Variants in AKAP6 observed in about 807,000 individuals in gnomAD.
The protein encoded by AKAP6 is A-kinase anchor protein 6.
A neutral mutation model predicts 188.5 loss-of-function variants in AKAP6; 58 were observed. That is an observed-to-expected ratio of 0.31 (90% CI 0.25 to 0.38). AKAP6 has a LOEUF of 0.38. Ranked by LOEUF, AKAP6 falls within the 10% of genes least tolerant of loss-of-function variation. The pLI is 1.00. For missense variants in AKAP6, 2,710 were observed against 2,740.0 expected (o/e 0.99, Z 0.24); for synonymous variants, 989 against 998.6 (o/e 0.99, Z 0.18).
intron 12 of AKAP6, among the ~76,000 whole-genome samples, chr14:32,813,935 T>C (rs2034314792): frequency 6.6e-6 from 1 of 151,492 alleles, no homozygotes; most frequent in Non-Finnish European, 1.5e-5. Flanking sequence ...CTACTGTGCT[T>C]TGAGGGTAGA....
chr14:32,583,682 G>A (rs2139291938), intron 5 of AKAP6, among the ~76,000 whole-genome samples: 1 of 152,298 alleles, frequency 6.6e-6, no homozygotes, highest in Middle Eastern at 3.4e-3. Context: ...GGCAATGGCG[G>A]GTGCCCCTCC....
intron 2 of AKAP6, among the ~76,000 whole-genome samples, chr14:32,506,195 G>T (rs1471061610): frequency 6.6e-6 from 1 of 151,976 alleles, no homozygotes; most frequent in Non-Finnish European, 1.5e-5. Flanking sequence ...ACATAAAAAA[G>T]TTAATAAACT....
At chr14:32,519,779 C>G (rs909468422) in intron 2 of AKAP6, among the ~76,000 whole-genome samples, 1 of 152,254 alleles carries the variant, frequency 6.6e-6, no homozygotes, top group African/African-American at 2.4e-5. Context: ...CAACATTAGA[C>G]AGATCAACGA....
intron 4 of AKAP6, among the ~76,000 whole-genome samples, chr14:32,566,239 C>T (rs1884180798): frequency 6.6e-6 from 1 of 152,082 alleles, no homozygotes; most frequent in Non-Finnish European, 1.5e-5. Flanking sequence ...CAGCCATTTT[C>T]TATTAAGCCA....
At chr14:32,393,378 G>C (rs1186427385) in intron 1 of AKAP6, among the ~76,000 whole-genome samples, 3 of 152,088 alleles carry the variant, frequency 2.0e-5, no homozygotes, top group African/African-American at 7.2e-5. Flanking sequence ...AACTGTCATG[G>C]TCATAAAAGA....
chr14:32,370,459 A>G (rs1887970198), intron 1 of AKAP6, among the ~76,000 whole-genome samples: 1 of 152,244 alleles, frequency 6.6e-6, no homozygotes, highest in South Asian at 2.1e-4. Flanking sequence ...AGTGAACACA[A>G]ATAATGAGGG....
chr14:32,358,302 A>G (rs1594537165), intron 1 of AKAP6, among the ~76,000 whole-genome samples: 1 of 152,196 alleles, frequency 6.6e-6, no homozygotes, highest in African/African-American at 2.4e-5. Flanking sequence ...GGTCTTTGCC[A>G]CTTCTTACAC....
At chr14:32,738,210 T>G (rs970706435) in intron 11 of AKAP6, among the ~76,000 whole-genome samples, 2 of 152,148 alleles carry the variant, frequency 1.3e-5, no homozygotes, top group African/African-American at 4.8e-5. Context: ...TGCCATTGGC[T>G]GGAAAGCACT....
At chr14:32,619,985 C>T (rs1886747002) in intron 7 of AKAP6, among the ~76,000 whole-genome samples, 1 of 151,912 alleles carries the variant, frequency 6.6e-6, no homozygotes, top group African/African-American at 2.4e-5. Context: ...CTCAGCTTGG[C>T]CATTGTTGGT....
chr14:32,805,232 C>T (rs1163667277), intron 12 of AKAP6, among the ~76,000 whole-genome samples: 1 of 152,170 alleles, frequency 6.6e-6, no homozygotes, highest in Non-Finnish European at 1.5e-5. Context: ...TGCCTGGTCC[C>T]TCTGTTCGGG....
At chr14:32,354,821 G>A (rs1266082655) in intron 1 of AKAP6, among the ~76,000 whole-genome samples, 2 of 151,976 alleles carry the variant, frequency 1.3e-5, no homozygotes, top group Admixed American at 1.3e-4. Flanking sequence ...TCCTGAAGTG[G>A]ACATGTGCTT....
rs2034880999 is a variant in AKAP6, at chr14:32,836,896, T to C, written c.*7091T>C. On this transcript the variant is annotated 3_prime_UTR_variant, in exon 14 of 14. Coordinates refer to ENST00000280979, the MANE Select transcript of AKAP6 (RefSeq NM_004274.5). Reference sequence around the variant, plus strand: ...GTGTGTTCTTCAGAAAAAAAGGAATTCAAAAAGCAAATGTAAAATGGAACA... The same window carrying C: ...GTGTGTTCTTCAGAAAAAAAGGAATCCAAAAAGCAAATGTAAAATGGAACA... The C allele has an allele frequency of 6.6e-6, 1 of 152,058 alleles. No individual in the cohort carries two copies. Among genetic ancestry groups the C allele is most frequent in the Non-Finnish European group, 1.5e-5 (1 of 68,030 alleles). The allele number at this position is 152,058 out of a possible 1,614,324, so 9.4% of individuals were successfully genotyped here.
intron 9 of AKAP6, among the ~76,000 whole-genome samples, chr14:32,707,301 C>A (rs920188725): frequency 8.6e-5 from 13 of 152,004 alleles, no homozygotes; most frequent in African/African-American, 3.1e-4. Flanking sequence ...GTACAAAATT[C>A]CTTCATATAT....
At position 32,729,320 on chromosome 14, in the gene AKAP6, G is replaced by A. The variant is rs370346758; in HGVS notation, c.3001-3134G>A. Among the ~76,000 whole-genome samples, 17 of 151,862 alleles carry A rather than the reference G, an allele frequency of 1.1e-4. 1 individual carries two copies. The highest frequency in any genetic ancestry group is 1.0e-3 in the South Asian group (5 of 4,810). ...TCGGTGTGGCGGGGAAGCCTTTAGCGTAACTGTCAAAAAAGTTATCTCAAT... is the reference window on the plus strand; with the variant it reads ...TCGGTGTGGCGGGGAAGCCTTTAGCATAACTGTCAAAAAAGTTATCTCAAT... On this transcript the variant is annotated intron_variant, in intron 9 of 13. Transcript: ENST00000280979.
chr14:32,761,408 C>T (rs559080493), intron 11 of AKAP6, among the ~76,000 whole-genome samples: 1 of 152,048 alleles, frequency 6.6e-6, no homozygotes, highest in Non-Finnish European at 1.5e-5. Context: ...AACTTTGTGA[C>T]GAGTTCTAGG....
chr14:32,536,920 G>A (rs1342581565), intron 3 of AKAP6, among the ~76,000 whole-genome samples: 4 of 152,024 alleles, frequency 2.6e-5, no homozygotes, highest in Admixed American at 6.6e-5. Context: ...TTAGTCCTTC[G>A]GCTCTTAATA....
At chr14:32,360,471 A>G (rs925031951) in intron 1 of AKAP6, among the ~76,000 whole-genome samples, 9 of 152,122 alleles carry the variant, frequency 5.9e-5, no homozygotes, top group African/African-American at 1.9e-4. Flanking sequence ...TGTAGCATTC[A>G]TCAATAGATC....
intron 7 of AKAP6, among the ~76,000 whole-genome samples, chr14:32,656,232 G>A (rs1339428784): frequency 6.6e-6 from 1 of 151,980 alleles, no homozygotes; most frequent in East Asian, 1.9e-4. Context: ...TCTGTTTTAT[G>A]TGACTTTTAT....
At chr14:32,753,291 A>T (rs1009500008) in intron 11 of AKAP6, among the ~76,000 whole-genome samples, 2 of 152,034 alleles carry the variant, frequency 1.3e-5, no homozygotes, top group African/African-American at 4.8e-5. Flanking sequence ...TATTTCTCTG[A>T]TGATTAGTGA....
Sources: gnomAD v4.1 joint callset for allele counts (sites outside exome capture counted in the v4.1 genomes callset) on GRCh38, gnomAD v4.1.1 for gene constraint, MANE v1.5 for transcripts, NCBI Gene and HGNC (gene_info 2026-07-23, HGNC 2026-07-21) for gene names.